MAF: variants seen among roughly 807,000 people sequenced by gnomAD.
The protein encoded by MAF is MAF bZIP transcription factor.
MAF carries 10 observed loss-of-function variants against 22.0 expected under a neutral mutation model. That is an observed-to-expected ratio of 0.45 (90% CI 0.28 to 0.77). The LOEUF is 0.77. Ranked by LOEUF, MAF falls within the 30% of genes least tolerant of loss-of-function variation. The probability of loss-of-function intolerance (pLI) is 0.12; values close to 1 mark genes in which losing one functional copy is unlikely to be tolerated. For synonymous variants in MAF, 337 were observed against 255.8 expected (o/e 1.32, Z -3.03); for missense variants, 544 against 548.4 (o/e 0.99, Z 0.08).
chr16:79,570,732 G>T, the MAF span, among the ~76,000 whole-genome samples: 1 of 152,154 alleles, frequency 6.6e-6, no homozygotes, highest in African/African-American at 2.4e-5. Flanking sequence ...TGCTACCAGT[G>T]TAAAGTCCCC....
chr16:79,246,990 A>C, the MAF span, among the ~76,000 whole-genome samples: 1 of 152,384 alleles, frequency 6.6e-6, no homozygotes, highest in South Asian at 2.1e-4. Flanking sequence ...AACAAAAAAT[A>C]AATCAATCAA....
chr16:79,589,697 G>A (rs931308009), downstream of MAF, among the ~76,000 whole-genome samples: 2 of 152,128 alleles, frequency 1.3e-5, no homozygotes, highest in Non-Finnish European at 2.9e-5. Context: ...GGAGAGCGGC[G>A]CACCGGGGAG....
chr16:79,247,483 T>A, the MAF span, among the ~76,000 whole-genome samples: 1 of 152,186 alleles, frequency 6.6e-6, no homozygotes, highest in Non-Finnish European at 1.5e-5. Context: ...CCAGCCTGAT[T>A]CAGTAACTGA....
the MAF span, among the ~76,000 whole-genome samples, chr16:79,415,138 T>A: frequency 4.4e-4 from 67 of 152,320 alleles, 1 homozygote; most frequent in African/African-American, 1.6e-3. Flanking sequence ...AACATTGTCC[T>A]CAACCACGGA....
chr16:79,590,865 C>G (rs367897537), downstream of MAF, among the ~76,000 whole-genome samples: 9 of 152,132 alleles, frequency 5.9e-5, no homozygotes, highest in Admixed American at 3.3e-4. Context: ...TGCCTATTGT[C>G]CTGGGATCCT....
chr16:79,357,582 G>C, the MAF span, among the ~76,000 whole-genome samples: 1 of 152,184 alleles, frequency 6.6e-6, no homozygotes, highest in Non-Finnish European at 1.5e-5. Flanking sequence ...AAAGTTTGCA[G>C]TTACTGGAGT....
chr16:79,224,075 C>T, the MAF span, among the ~76,000 whole-genome samples: 6 of 152,230 alleles, frequency 3.9e-5, no homozygotes, highest in Non-Finnish European at 7.4e-5. Context: ...AATTTGAGGC[C>T]GATATCCCTG....
At chr16:79,211,592 CT>C in the MAF span, 1 of 1,613,936 alleles carries the variant, frequency 6.2e-7, no homozygotes, top group African/African-American at 1.3e-5. Context: ...TTTTGTCTTT[CT>C]TCTTGGATTT....
At chr16:79,551,495 T>C in the MAF span, among the ~76,000 whole-genome samples, 1 of 152,130 alleles carries the variant, frequency 6.6e-6, no homozygotes, top group Admixed American at 6.6e-5. Context: ...GCCCTAACAA[T>C]TACAAGTGAG....
At chr16:79,448,961 T>G in the MAF span, among the ~76,000 whole-genome samples, 1 of 152,176 alleles carries the variant, frequency 6.6e-6, no homozygotes, top group Non-Finnish European at 1.5e-5. Context: ...TTACATTGTA[T>G]ATATAATGAA....
chr16:79,537,033 G>C, the MAF span, among the ~76,000 whole-genome samples: 4 of 152,154 alleles, frequency 2.6e-5, no homozygotes, highest in African/African-American at 9.7e-5. Flanking sequence ...TGTACAGTGT[G>C]TTTGTGTGTG....
chr16:79,258,763 G>T, the MAF span, among the ~76,000 whole-genome samples: 51 of 152,266 alleles, frequency 3.3e-4, no homozygotes, highest in Admixed American at 2.8e-3. Flanking sequence ...CTCCCTTCAA[G>T]AGCCTGCTCC....
At chr16:79,214,562 C>T in the MAF span, among the ~76,000 whole-genome samples, 1 of 152,020 alleles carries the variant, frequency 6.6e-6, no homozygotes, top group Non-Finnish European at 1.5e-5. Flanking sequence ...CACACCACCA[C>T]ACCTGGCTAA....
chr16:79,326,372 G>A, the MAF span, among the ~76,000 whole-genome samples: 1 of 152,152 alleles, frequency 6.6e-6, no homozygotes, highest in Non-Finnish European at 1.5e-5. Context: ...AAAAGTTGAT[G>A]AACAGGGTTC....
the MAF span, among the ~76,000 whole-genome samples, chr16:79,533,627 C>T: frequency 9.1e-4 from 138 of 152,096 alleles, no homozygotes; most frequent in African/African-American, 2.8e-3. Context: ...AACTTTTGTC[C>T]GGAGGTAGGA....
the MAF span, among the ~76,000 whole-genome samples, chr16:79,563,088 G>C: frequency 2.0e-5 from 3 of 151,110 alleles, no homozygotes; most frequent in South Asian, 6.2e-4. Flanking sequence ...TATGGAAACA[G>C]ACAGCAGAAC....
intron 1 of MAF, chr16:79,594,796 A>G: frequency 7.6e-6 from 10 of 1,308,666 alleles, no homozygotes; most frequent in Non-Finnish European, 9.8e-6. Flanking sequence ...GCCTTTTACT[A>G]GGAGTTAACC....
the MAF span, among the ~76,000 whole-genome samples, chr16:79,407,418 T>C: frequency 1.3e-5 from 2 of 152,174 alleles, no homozygotes; most frequent in African/African-American, 4.8e-5. Context: ...TAGTAAAAAC[T>C]GCTCTTTGTT....
At chr16:79,339,905 C>A in the MAF span, among the ~76,000 whole-genome samples, 4 of 152,178 alleles carry the variant, frequency 2.6e-5, no homozygotes, top group Non-Finnish European at 5.9e-5. Context: ...AAGCATCCTG[C>A]CAAGTTCTAA....
Sources: allele counts gnomAD v4.1 joint callset (sites outside exome capture counted in the v4.1 genomes callset), GRCh38; gene constraint gnomAD v4.1.1; transcripts MANE v1.5; gene names NCBI Gene and HGNC (gene_info 2026-07-23, HGNC 2026-07-21).